Variants in SHPRH observed in about 807,000 individuals in gnomAD.
SHPRH encodes E3 ubiquitin-protein ligase SHPRH.
Under a neutral mutation model 202.5 loss-of-function variants are expected in SHPRH, and 106 were observed. The ratio of observed to expected loss-of-function variants is 0.52; its 90% CI spans 0.45 to 0.62. The LOEUF (loss-of-function observed/expected upper bound fraction) is 0.62. Among genes scored for constraint, SHPRH ranks in the 20% least tolerant of loss-of-function variants. SHPRH has a pLI of 0.00. For missense variants in SHPRH, 1,710 were observed against 2,020.0 expected, an observed-to-expected ratio of 0.85 and a Z score of 2.94; for synonymous variants, 729 against 686.0, an observed-to-expected ratio of 1.06 and a Z score of -0.98.
intron 28 of SHPRH, 60 bp from the exon 29 acceptor site, chr6:145,888,160 GACTTCAC>G: frequency 2.4e-6 from 3 of 1,265,050 alleles, no homozygotes; most frequent in Non-Finnish European, 3.4e-6. Flanking sequence ...AGTACAAACC[GACTTCAC>G]ATTTTATATG....
At chr6:145,889,855 G>A (rs1458146212) in intron 28 of SHPRH, among the ~76,000 whole-genome samples, 1 of 152,032 alleles carries the variant, frequency 6.6e-6, no homozygotes, top group East Asian at 1.9e-4. Context: ...GAAAGAAAAG[G>A]GACACTTCTG....
rs1425769456 is a variant in SHPRH, at chr6:145,933,883, A to C, written c.2991-705T>G. Among the ~76,000 whole-genome samples the C allele has an allele frequency of 2.6e-5, 4 of 152,222 alleles. No homozygotes were observed. The East Asian group carries it at 7.7e-4, about 29-fold the overall frequency. On this transcript the variant is annotated intron_variant, in intron 13 of 29. Coordinates refer to ENST00000275233, the MANE Select transcript of SHPRH (RefSeq NM_001042683.3). Reference sequence around the variant, plus strand: ...CAAATTTCTTAATGTTCTCAGAATGAATAATCAGAGAGATAGAAAATATTT... The same window carrying C: ...CAAATTTCTTAATGTTCTCAGAATGCATAATCAGAGAGATAGAAAATATTT...
chr6:145,932,106 T>C (rs1172735663), intron 14 of SHPRH, among the ~76,000 whole-genome samples: 1 of 152,174 alleles, frequency 6.6e-6, no homozygotes, highest in Non-Finnish European at 1.5e-5. Flanking sequence ...TATTAGACAT[T>C]GAAATTTTGA....
chr6:145,915,398 T>A (rs1783863475), intron 23 of SHPRH, among the ~76,000 whole-genome samples: 1 of 151,868 alleles, frequency 6.6e-6, no homozygotes, highest in Admixed American at 6.6e-5. Flanking sequence ...CTTACTGTAG[T>A]TGCATCCTTC....
At chr6:145,858,546 G>C in the SHPRH span, among the ~76,000 whole-genome samples, 2 of 152,030 alleles carry the variant, frequency 1.3e-5, no homozygotes, top group South Asian at 4.1e-4. Context: ...ATCTGGTTGG[G>C]AAGAGGGGAA....
downstream of SHPRH, chr6:145,884,731 T>G (rs1348494587): frequency 6.6e-6 from 1 of 152,172 alleles, no homozygotes; most frequent in African/African-American, 2.4e-5. Context: ...TATTAGCCAT[T>G]TTGATATCTT....
At chr6:145,861,892 G>C (rs1310746843), downstream of SHPRH, among the ~76,000 whole-genome samples, 1 of 152,134 alleles carries the variant, frequency 6.6e-6, no homozygotes, top group African/African-American at 2.4e-5. Context: ...TATATTAAGT[G>C]AAATAAGCCA....
At chr6:145,926,563 T>C (rs973794924) in intron 15 of SHPRH, among the ~76,000 whole-genome samples, 5 of 151,972 alleles carry the variant, frequency 3.3e-5, no homozygotes, top group Non-Finnish European at 5.9e-5. Context: ...CTTTTCCATA[T>C]GTTCCTCTAA....
intron 23 of SHPRH, among the ~76,000 whole-genome samples, chr6:145,914,916 A>G (rs1783814426): frequency 6.6e-6 from 1 of 151,958 alleles, no homozygotes; most frequent in Non-Finnish European, 1.5e-5. Context: ...CCTAAAAAAT[A>G]TGTATTCTGA....
chr6:145,934,473 T>TAAATAAAATA (rs71552941), intron 13 of SHPRH, among the ~76,000 whole-genome samples: 9,501 of 131,820 alleles, frequency 0.072, 499 homozygotes, highest in African/African-American at 0.13. Flanking sequence ...TCTCAAAAAA[T>TAAATAAAATA]AAATAAAATA....
At chr6:145,870,374 GC>G (rs1434434809) in intron 2 of SHPRH, among the ~76,000 whole-genome samples, 1 of 149,446 alleles carries the variant, frequency 6.7e-6, no homozygotes, top group Non-Finnish European at 1.5e-5. Flanking sequence ...CCATTCTCCT[GC>G]CTCAGCCTCC....
downstream of SHPRH, chr6:145,883,968 T>C (rs1780777964): frequency 6.6e-6 from 1 of 152,184 alleles, no homozygotes; most frequent in Non-Finnish European, 1.5e-5. Context: ...TTTTGAAAGG[T>C]TGTCTCGTCG....
chr6:145,886,277 T>C lies in SHPRH; in HGVS notation c.*414A>G. 1.9e-6 allele frequency: 1 copy of C among 522,218 alleles called. No homozygotes were observed. Among genetic ancestry groups the C allele is most frequent in the East Asian group, 3.1e-5 (1 of 32,758 alleles). 32.3% of individuals were successfully genotyped at this position (522,218 alleles called of 1,614,324 possible). On this transcript the variant is annotated 3_prime_UTR_variant, in exon 30 of 30. Coordinates refer to ENST00000275233, the MANE Select transcript of SHPRH (RefSeq NM_001042683.3). Reference sequence around the variant, plus strand: ...ATATTGGTGAATCATGTGCTAAAGATACTGAAGGCCCTTCCAAAACTGAGA... The same window carrying C: ...ATATTGGTGAATCATGTGCTAAAGACACTGAAGGCCCTTCCAAAACTGAGA...
At chr6:145,941,480 C>T (rs1380050928) in intron 10 of SHPRH, 143 bp downstream of exon 10, 4 of 1,268,904 alleles carry the variant, frequency 3.2e-6, no homozygotes, top group African/African-American at 1.5e-5. Context: ...AAGAGAAAAG[C>T]ACAAGTAGTG....
At chr6:145,893,026 T>G (rs1016231358) in intron 28 of SHPRH, among the ~76,000 whole-genome samples, 189 bp downstream of exon 28, 1 of 151,928 alleles carries the variant, frequency 6.6e-6, no homozygotes, top group African/African-American at 2.4e-5. Flanking sequence ...GGAAATCTCA[T>G]GCCTTTCAAT....
At chr6:145,950,667 A>C (rs1186251777) in intron 3 of SHPRH, among the ~76,000 whole-genome samples, 185 bp from the exon 4 acceptor site, 1 of 152,088 alleles carries the variant, frequency 6.6e-6, no homozygotes, top group Non-Finnish European at 1.5e-5. Flanking sequence ...TTCTTCAAGA[A>C]AGTTTAACTG....
At chr6:145,888,775 T>C (rs996696046) in intron 28 of SHPRH, among the ~76,000 whole-genome samples, 1 of 152,138 alleles carries the variant, frequency 6.6e-6, no homozygotes, top group Non-Finnish European at 1.5e-5. Context: ...AGAAGTCCTG[T>C]AGTCATCTGG....
At position 145,932,741 on chromosome 6, in the gene SHPRH, T is replaced by G. The variant is rs375481639; in HGVS notation, c.3112+316A>C. Reference sequence around the variant, plus strand: ...TCTATTTCTAATCATTTTGACTGTTTACAGTTGTTTACTATTAAACTATTA... The same window carrying G: ...TCTATTTCTAATCATTTTGACTGTTGACAGTTGTTTACTATTAAACTATTA... On this transcript the variant is annotated intron_variant, in intron 14 of 29. Coordinates refer to ENST00000275233, the MANE Select transcript of SHPRH (RefSeq NM_001042683.3). Among the ~76,000 whole-genome samples, 110 of 152,340 alleles carry G rather than the reference T, an allele frequency of 7.2e-4. 2 individuals are homozygous for G. The South Asian group carries it at 0.022, about 30-fold the overall frequency.
Position 145,868,819 on chromosome 6 carries a change from G to A in SHPRH, c.222-4328C>T, listed in dbSNP as rs372053014. Among the ~76,000 whole-genome samples, 17 of 152,040 alleles carry A rather than the reference G, an allele frequency of 1.1e-4. No homozygotes were observed. In the East Asian group the frequency reaches 2.3e-3, roughly 21 times the overall value. On this transcript the variant is annotated intron_variant, in intron 2 of 2. Transcript: ENST00000417762. ...CTGATTTCTTGAAATGTCATTTTTG[G>A]GACAAATGTAAACATCTACAATGAA...
Sources: allele counts gnomAD v4.1 joint callset (sites outside exome capture counted in the v4.1 genomes callset), GRCh38; gene constraint gnomAD v4.1.1; transcripts MANE v1.5; gene names NCBI Gene and HGNC (gene_info 2026-07-23, HGNC 2026-07-21).